PLAC1: variants seen among roughly 807,000 people sequenced by gnomAD.
PLAC1 encodes the protein placenta associated 1.
For synonymous variants in PLAC1, 68 were observed against 62.1 expected (o/e 1.09, Z -0.44); for missense variants, 136 against 163.2 (o/e 0.83, Z 0.91).
At chrX:134,700,680 T>G (rs1484909424) in intron 2 of PLAC1, among the ~76,000 whole-genome samples, 4 of 111,754 alleles carry the variant, frequency 3.6e-5, no homozygotes, top group African/African-American at 1.3e-4. Flanking sequence ...AATAATGCAA[T>G]TTCATTTACA....
At position 134,693,198 on chromosome X, in the gene PLAC1, G is replaced by A. The variant is rs2078550220; in HGVS notation, n.174+40237C>T. Among the ~76,000 whole-genome samples the A allele has an allele frequency of 2.7e-5, 3 of 110,981 alleles. No homozygotes were observed. In the South Asian group the frequency reaches 1.2e-3, roughly 43 times the overall value. The stretch of plus-strand genomic sequence containing the variant: ...TCTCTAGACATCCTGACTCATCCAT[G>A]TCTTGGCTTTCTCCCTGCTTCCACC... On this transcript the variant is annotated intron_variant and non_coding_transcript_variant, in intron 2 of 2. Coordinates refer to the PLAC1 transcript ENST00000466797.
At chrX:134,693,512 T>C (rs767450071) in intron 2 of PLAC1, among the ~76,000 whole-genome samples, 42 of 111,933 alleles carry the variant, frequency 3.8e-4, no homozygotes, top group Non-Finnish European at 7.3e-4. Context: ...CCTTATTTTA[T>C]TAGTGAGGAA....
intron 1 of PLAC1, among the ~76,000 whole-genome samples, chrX:134,742,595 A>G (rs1219314259): frequency 9.0e-6 from 1 of 111,409 alleles, no homozygotes; most frequent in Non-Finnish European, 1.9e-5. Flanking sequence ...TTCAAAAAAA[A>G]AAAGAAAGAA....
chrX:134,680,996 G>A (rs189697691), intron 2 of PLAC1, among the ~76,000 whole-genome samples: 3 of 111,486 alleles, frequency 2.7e-5, no homozygotes, highest in East Asian at 2.8e-4. Flanking sequence ...GAATCATACC[G>A]GCAGATTGGG....
chrX:134,657,061 G>A (rs938404096), intron 1 of PLAC1, among the ~76,000 whole-genome samples: 1 of 112,145 alleles, frequency 8.9e-6, no homozygotes, highest in African/African-American at 3.2e-5. Context: ...ACCGTGAGAA[G>A]ATGCTTTGTT....
At chrX:134,617,705 T>C (rs2078191238) in intron 1 of PLAC1, among the ~76,000 whole-genome samples, 1 of 112,133 alleles carries the variant, frequency 8.9e-6, no homozygotes, top group Admixed American at 9.5e-5. Flanking sequence ...ATAATCTTTT[T>C]GATGCATTGT....
rs1381661486 is a variant in PLAC1 at position 134,566,232 on chromosome X, T to C, written c.451A>G (p.Ser151Gly). The C allele has an allele frequency of 8.3e-7, 1 of 1,210,033 alleles. No homozygotes were observed. Among genetic ancestry groups the C allele is most frequent in the East Asian group, 3.0e-5 (1 of 33,773 alleles). The change falls in exon 3 of 3, where the codon AGC becomes GGC. Residue 151 changes from serine to glycine, a missense_variant. Ser to Gly is a moderately conservative substitution (Grantham distance 56). Coordinates refer to ENST00000359237, the MANE Select transcript of PLAC1 (RefSeq NM_021796.4). ...QKDEKCYEVFSLSQSSQRPNC... is the reference protein window; with the variant it reads ...QKDEKCYEVFGLSQSSQRPNC... ...GGCCTTTGACTGGACTGTGACAAGC[T>C]GAACACCTCGTAGCATTTCTCATCC...
At chrX:134,730,572 G>C (rs1375311640) in intron 2 of PLAC1, among the ~76,000 whole-genome samples, 1 of 110,866 alleles carries the variant, frequency 9.0e-6, no homozygotes, top group Non-Finnish European at 1.9e-5. Flanking sequence ...AGCCTCCCAA[G>C]TAGCTAGGAC....
At chrX:134,719,163 T>G (rs888248848) in intron 2 of PLAC1, among the ~76,000 whole-genome samples, 4 of 111,717 alleles carry the variant, frequency 3.6e-5, no homozygotes, top group African/African-American at 1.3e-4. Flanking sequence ...TAGTGGTAAG[T>G]ATTGCACAAC....
chrX:134,649,715 G>A (rs777866850), intron 1 of PLAC1, among the ~76,000 whole-genome samples: 20 of 112,329 alleles, frequency 1.8e-4, no homozygotes, highest in African/African-American at 5.5e-4. Flanking sequence ...GCCACTGTAA[G>A]GCCCTAGCCT....
chrX:134,726,126 G>A (rs2078673425), intron 2 of PLAC1, among the ~76,000 whole-genome samples: 1 of 111,895 alleles, frequency 8.9e-6, no homozygotes, highest in South Asian at 3.7e-4. Context: ...GTCTTAGAAT[G>A]TATCAGAATA....
intron 2 of PLAC1, among the ~76,000 whole-genome samples, chrX:134,708,709 T>G (rs1488845767): frequency 2.7e-5 from 3 of 110,157 alleles, no homozygotes. Flanking sequence ...TGACTAATTT[T>G]GTATTTTTAG....
At chrX:134,639,498 A>C (rs1247705467) in intron 1 of PLAC1, among the ~76,000 whole-genome samples, 1 of 111,789 alleles carries the variant, frequency 8.9e-6, no homozygotes, top group Non-Finnish European at 1.9e-5. Context: ...ACACCCAGCT[A>C]GTCTACCCTT....
At chrX:134,696,724 T>C (rs777342382) in intron 2 of PLAC1, among the ~76,000 whole-genome samples, 4 of 111,546 alleles carry the variant, frequency 3.6e-5, no homozygotes, top group Admixed American at 1.9e-4. Context: ...TTCTATGTTG[T>C]TCTGCTTTGA....
chrX:134,587,396 A>AAAAT (rs376170313), intron 2 of PLAC1, among the ~76,000 whole-genome samples: 28,283 of 104,956 alleles, frequency 0.27, 3,659 homozygotes, highest in South Asian at 0.44. Flanking sequence ...TGTCTTTACA[A>AAAAT]AAATAAATAA....
Position 134,682,291 on chromosome X carries a change from A to G in PLAC1, n.174+51144T>C, listed in dbSNP as rs1339689494. 2.7e-5 allele frequency among the ~76,000 whole-genome samples: 3 copies of G among 112,145 alleles called. No individual in the cohort carries two copies. In the South Asian group the frequency reaches 1.1e-3, roughly 42 times the overall value. On this transcript the variant is annotated intron_variant and non_coding_transcript_variant, in intron 2 of 2. Coordinates refer to the PLAC1 transcript ENST00000466797. ...TCTGACTCAGATGTTCTGTGCTTCTATAATTAAACCGGATTTAGTTTGTCT... is the reference window on the plus strand; with the variant it reads ...TCTGACTCAGATGTTCTGTGCTTCTGTAATTAAACCGGATTTAGTTTGTCT...
chrX:134,729,088 G>A (rs2078681575), intron 2 of PLAC1, among the ~76,000 whole-genome samples: 1 of 112,000 alleles, frequency 8.9e-6, no homozygotes, highest in African/African-American at 3.2e-5. Flanking sequence ...AAAGCTCCTT[G>A]AGAACAGTTC....
chrX:134,712,441 T>C (rs2078630879), intron 2 of PLAC1, among the ~76,000 whole-genome samples: 1 of 111,512 alleles, frequency 9.0e-6, no homozygotes, highest in Admixed American at 9.6e-5. Context: ...GGTCACATTC[T>C]CATTTCTAAG....
intron 1 of PLAC1, among the ~76,000 whole-genome samples, chrX:134,637,876 T>C (rs918710603): frequency 6.3e-4 from 70 of 111,606 alleles, no homozygotes; most frequent in African/African-American, 2.2e-3. Context: ...GGGGATTGTA[T>C]GTGAATTTCC....
Sources: allele counts gnomAD v4.1 joint callset (sites outside exome capture counted in the v4.1 genomes callset), GRCh38; gene constraint gnomAD v4.1.1; transcripts MANE v1.5; gene names NCBI Gene and HGNC (gene_info 2026-07-23, HGNC 2026-07-21).